The following TBXAS1 variants were observed in gnomAD, a reference collection of about 807,000 sequenced individuals.
The protein encoded by TBXAS1 is thromboxane A synthase 1, also known as thromboxane-A synthase.
A neutral mutation model predicts 60.7 loss-of-function variants in TBXAS1; 48 were observed. The ratio of observed to expected loss-of-function variants is 0.79; its 90% CI spans 0.63 to 1.01. The LOEUF (loss-of-function observed/expected upper bound fraction) is 1.01. Ranked by LOEUF, TBXAS1 falls within the 50% of genes least tolerant of loss-of-function variation. TBXAS1 has a pLI of 0.00. For missense variants in TBXAS1, 685 were observed against 686.3 expected, an observed-to-expected ratio of 1.00 and a Z score of 0.02; for synonymous variants, 287 against 269.7, an observed-to-expected ratio of 1.06 and a Z score of -0.63.
At chr7:139,886,337 T>A (rs1803098375) in intron 3 of TBXAS1, among the ~76,000 whole-genome samples, 1 of 151,970 alleles carries the variant, frequency 6.6e-6, no homozygotes, top group South Asian at 2.1e-4. Flanking sequence ...TCTGACATGT[T>A]CTCCAGGCTC....
intron 9 of TBXAS1, among the ~76,000 whole-genome samples, chr7:140,001,247 T>C (rs950048358): frequency 1.3e-5 from 2 of 152,220 alleles, no homozygotes; most frequent in African/African-American, 4.8e-5. Flanking sequence ...TGGCTTTTCA[T>C]GTTATCTTTT....
intron 1 of TBXAS1, among the ~76,000 whole-genome samples, chr7:139,838,971 G>A (rs539455948): frequency 6.6e-6 from 1 of 152,298 alleles, no homozygotes; most frequent in African/African-American, 2.4e-5. Context: ...TCTTACTTCT[G>A]GAGGAGATTT....
intron 10 of TBXAS1, among the ~76,000 whole-genome samples, chr7:140,011,343 G>GA (rs56317793): frequency 0.94 from 139,666 of 148,564 alleles, 65,747 homozygotes; most frequent in East Asian, 1. Flanking sequence ...AAAAAAAAAA[G>GA]AAAAAAAAGG....
chr7:139,879,832 TTGTGTGTGTGTGTG>T lies in TBXAS1; in HGVS notation c.236+4229_236+4242del, dbSNP rs57176056. Among the ~76,000 whole-genome samples, 908 of 140,454 alleles carry T rather than the reference TTGTGTGTGTGTGTG, an allele frequency of 6.5e-3. 7 individuals are homozygous for T. The highest frequency in any genetic ancestry group is 0.016 in the African/African-American group (579 of 37,198). 92.1% of individuals were successfully genotyped at this position (140,454 alleles called of 152,430 possible). On this transcript the variant is annotated intron_variant, in intron 3 of 12. Coordinates refer to ENST00000448866, the MANE Select transcript of TBXAS1 (RefSeq NM_001061.7). ...AAGCTCCTTTTCCCTTTATCTCATT[TTGTGTGTGTGTGTG>T]TGTGTGTGTGTGTGTGTGTGTGTGT...
intron 9 of TBXAS1, among the ~76,000 whole-genome samples, chr7:139,969,303 C>A (rs1333137966): frequency 6.6e-6 from 1 of 152,082 alleles, no homozygotes; most frequent in East Asian, 1.9e-4. Flanking sequence ...AATTAAAATA[C>A]AACTTACTCT....
At chr7:139,833,896 G>C (rs567635291) in intron 1 of TBXAS1, among the ~76,000 whole-genome samples, 17 of 152,232 alleles carry the variant, frequency 1.1e-4, no homozygotes, top group Admixed American at 3.3e-4. Context: ...GCACCAGACA[G>C]GTTAGCAAGA....
intron 5 of TBXAS1, chr7:139,952,726 A>AT: frequency 1.3e-6 from 2 of 1,483,984 alleles, no homozygotes; most frequent in Non-Finnish European, 1.8e-6. Context: ...GTATTTTCCT[A>AT]TTAAAAAAAA....
chr7:139,933,874 G>A (rs1807533370), intron 4 of TBXAS1, among the ~76,000 whole-genome samples: 1 of 152,102 alleles, frequency 6.6e-6, no homozygotes, highest in Admixed American at 6.5e-5. Context: ...CCTGCAGGCT[G>A]GGGACACTCT....
intron 1 of TBXAS1, among the ~76,000 whole-genome samples, chr7:139,865,356 A>AC (rs1312492557): frequency 7.9e-5 from 12 of 152,320 alleles, no homozygotes; most frequent in African/African-American, 2.9e-4. Flanking sequence ...AATGGAATTT[A>AC]CAGTCAACTA....
At chr7:139,955,851 G>A (rs939132347) in intron 7 of TBXAS1, among the ~76,000 whole-genome samples, 29 of 152,340 alleles carry the variant, frequency 1.9e-4, no homozygotes, top group African/African-American at 6.3e-4. Flanking sequence ...TGGTGAGAAC[G>A]GTTGGGACGC....
At chr7:139,839,117 T>C (rs1799260290) in intron 1 of TBXAS1, among the ~76,000 whole-genome samples, 1 of 152,152 alleles carries the variant, frequency 6.6e-6, no homozygotes, top group Non-Finnish European at 1.5e-5. Flanking sequence ...GCTTTATTCT[T>C]TAAGATCCAG....
At position 140,002,161 on chromosome 7, in the gene TBXAS1, T is replaced by C. The variant is rs80206347; in HGVS notation, c.1135-4930T>C. ...CTCCTAAACAGAACTGGTTTTGCATTCCTCGTAAGCACATTCGATAACACT... is the reference window on the plus strand; with the variant it reads ...CTCCTAAACAGAACTGGTTTTGCATCCCTCGTAAGCACATTCGATAACACT... On this transcript the variant is annotated intron_variant, in intron 9 of 12. Transcript: ENST00000448866. 4.0e-3 allele frequency among the ~76,000 whole-genome samples: 609 copies of C among 152,338 alleles called. 5 individuals carry two copies. The highest frequency in any genetic ancestry group is 0.014 in the African/African-American group (580 of 41,584).
chr7:139,829,185 C>G (rs1798541763), upstream of TBXAS1: 6 of 683,090 alleles, frequency 8.8e-6, no homozygotes, highest in Non-Finnish European at 1.6e-5. Context: ...TTCCTTTACA[C>G]TGAAACCCTT....
At chr7:140,006,576 GCT>G (rs1188631834) in intron 9 of TBXAS1, among the ~76,000 whole-genome samples, 1 of 152,146 alleles carries the variant, frequency 6.6e-6, no homozygotes, top group African/African-American at 2.4e-5. Flanking sequence ...ACTGATAGTA[GCT>G]CTTTGGTTTT....
At chr7:139,959,929 A>G (rs1482938643) in intron 8 of TBXAS1, among the ~76,000 whole-genome samples, 1 of 152,104 alleles carries the variant, frequency 6.6e-6, no homozygotes, top group Non-Finnish European at 1.5e-5. Context: ...GCTCTGCTCC[A>G]TGGGAGCAGG....
At chr7:139,958,197 T>C (rs1423219030) in intron 8 of TBXAS1, among the ~76,000 whole-genome samples, 1 of 152,142 alleles carries the variant, frequency 6.6e-6, no homozygotes, top group Non-Finnish European at 1.5e-5. Flanking sequence ...TATTAGAGAG[T>C]TCGGCAACTG....
At chr7:139,827,752 C>G (rs1585563663), upstream of TBXAS1, among the ~76,000 whole-genome samples, 1 of 152,184 alleles carries the variant, frequency 6.6e-6, no homozygotes, top group Non-Finnish European at 1.5e-5. Flanking sequence ...CTTAGTTTCA[C>G]TGGATACAAA....
chr7:139,992,024 T>A (rs1812945198), intron 9 of TBXAS1, among the ~76,000 whole-genome samples: 1 of 152,162 alleles, frequency 6.6e-6, no homozygotes, highest in Admixed American at 6.5e-5. Context: ...TGGCATGGAA[T>A]GGCCTTTCTC....
At chr7:139,839,127 G>C (rs1000680105) in intron 1 of TBXAS1, among the ~76,000 whole-genome samples, 3 of 152,156 alleles carry the variant, frequency 2.0e-5, no homozygotes, top group African/African-American at 7.2e-5. Context: ...TTAAGATCCA[G>C]TGTAAAGAAA....
Sources: allele counts gnomAD v4.1 joint callset (sites outside exome capture counted in the v4.1 genomes callset), GRCh38; gene constraint gnomAD v4.1.1; transcripts MANE v1.5; gene names NCBI Gene and HGNC (gene_info 2026-07-23, HGNC 2026-07-21).